The following RPS6KA2 variants were observed in gnomAD, a reference collection of about 807,000 sequenced individuals.
RPS6KA2 encodes ribosomal protein S6 kinase alpha-2.
A neutral mutation model predicts 91.8 loss-of-function variants in RPS6KA2; 42 were observed. That is an observed-to-expected ratio of 0.46 (90% confidence interval 0.36 to 0.59). The LOEUF is 0.59. RPS6KA2 is among the 20% of genes least tolerant of loss of function. The pLI, the probability that RPS6KA2 is intolerant of heterozygous loss-of-function variation, is 0.00. For synonymous variants in RPS6KA2, 414 were observed against 393.6 expected (o/e 1.05, Z -0.61); for missense variants, 798 against 978.5 (o/e 0.82, Z 2.46).
At chr6:166,478,876 G>A (rs190652613) in intron 10 of RPS6KA2, among the ~76,000 whole-genome samples, 121 of 152,316 alleles carry the variant, frequency 7.9e-4, no homozygotes, top group African/African-American at 2.9e-3. Flanking sequence ...CACGATGTCG[G>A]TGCTGGTATT....
At chr6:166,529,024 G>C (rs1045912202) in intron 3 of RPS6KA2, among the ~76,000 whole-genome samples, 32 of 152,160 alleles carry the variant, frequency 2.1e-4, no homozygotes, top group African/African-American at 7.2e-4. Flanking sequence ...GATTCCTCAA[G>C]GATCTAGAAC....
chr6:166,524,732 G>A (rs1782966958), intron 3 of RPS6KA2, among the ~76,000 whole-genome samples: 2 of 152,212 alleles, frequency 1.3e-5, no homozygotes, highest in Admixed American at 6.5e-5. Flanking sequence ...ACAAGGGAGA[G>A]CCTCACGTCG....
At chr6:166,457,054 G>A (rs1422262227) in intron 12 of RPS6KA2, among the ~76,000 whole-genome samples, 1 of 152,208 alleles carries the variant, frequency 6.6e-6, no homozygotes, top group East Asian at 1.9e-4. Context: ...AGAGTTGACT[G>A]TATTAACATT....
In RPS6KA2 at chr6:166,751,267, G is replaced by A. The variant is rs539322273; in HGVS notation, c.123+106933C>T. Among the ~76,000 whole-genome samples the A allele has an allele frequency of 3.9e-5, 6 of 152,306 alleles. No homozygotes were observed. In the South Asian group the frequency reaches 8.3e-4, roughly 21 times the overall value. On this transcript the variant is annotated intron_variant, in intron 2 of 21. Coordinates refer to the RPS6KA2 transcript ENST00000503859. ...TTCCCAAGGTGGAGGCAAGACCAGC[G>A]CCCTCTGGCCAGGTGCGTTCAGGAA...
intron 2 of RPS6KA2, among the ~76,000 whole-genome samples, chr6:166,853,418 G>T (rs558723165): frequency 4.0e-4 from 61 of 152,358 alleles, no homozygotes; most frequent in African/African-American, 1.4e-3. Flanking sequence ...AGAGACCCGG[G>T]AGCCTGGGGC....
chr6:166,503,656 T>A (rs943169985), intron 6 of RPS6KA2, among the ~76,000 whole-genome samples: 12 of 152,148 alleles, frequency 7.9e-5, no homozygotes, highest in African/African-American at 2.7e-4. Context: ...AGTGATCACC[T>A]CAGGGATACT....
chr6:166,782,112 GAA>G (rs887310672), intron 2 of RPS6KA2, among the ~76,000 whole-genome samples: 1 of 152,190 alleles, frequency 6.6e-6, no homozygotes, highest in Non-Finnish European at 1.5e-5. Context: ...CTAACATGGT[GAA>G]ACCCTGTTTC....
At position 166,825,185 on chromosome 6, in the gene RPS6KA2, GCT is replaced by G. The variant is rs1583157906; in HGVS notation, c.123+33013_123+33014del. Among the ~76,000 whole-genome samples the G allele has an allele frequency of 6.6e-6, 1 of 152,260 alleles. No individual in the cohort carries two copies. The highest frequency in any genetic ancestry group is 1.5e-5 in the Non-Finnish European group (1 of 68,040). On this transcript the variant is annotated intron_variant, in intron 2 of 21. Coordinates refer to the RPS6KA2 transcript ENST00000503859. The surrounding 1 kb of genome is among the most constrained non-coding windows in gnomAD (Gnocchi z 4.1). ...CAGAGCGGGCTCCCCACAAATGGGG[GCT>G]CTGAGTTGAGGGGTGCTGGATGCTG... is the stretch of plus-strand genomic sequence containing the variant.
At chr6:166,654,875 C>T (rs1470139846) in intron 2 of RPS6KA2, among the ~76,000 whole-genome samples, 1 of 152,184 alleles carries the variant, frequency 6.6e-6, no homozygotes. Flanking sequence ...TGAAGATAAC[C>T]TTTCCCATCG....
In RPS6KA2 at chr6:166,825,084, G is replaced by A. The variant is rs1189963036; in HGVS notation, c.123+33116C>T. Reference sequence around the variant, plus strand: ...GTGCTGCAGAGCGCTGTTCTTCCACGAGGGAATAGCAGGGCCTCTAAAAAC... The same window carrying A: ...GTGCTGCAGAGCGCTGTTCTTCCACAAGGGAATAGCAGGGCCTCTAAAAAC... On this transcript the variant is annotated intron_variant, in intron 2 of 21. Transcript: ENST00000503859. This position sits in a 1 kb window ranked among gnomAD's most constrained non-coding sequence, Gnocchi z 4.1. Among the ~76,000 whole-genome samples the A allele has an allele frequency of 1.3e-5, 2 of 152,226 alleles. No homozygotes were observed. Among genetic ancestry groups the A allele is most frequent in the Non-Finnish European group, 2.9e-5 (2 of 68,042 alleles).
chr6:166,464,274 C>T (rs1245393911), intron 11 of RPS6KA2, among the ~76,000 whole-genome samples: 1 of 152,200 alleles, frequency 6.6e-6, no homozygotes, highest in Admixed American at 6.5e-5. Flanking sequence ...GCCAGATCAC[C>T]GAGCGACCTC....
intron 1 of RPS6KA2, among the ~76,000 whole-genome samples, chr6:166,567,576 A>G (rs552760760): frequency 1.1e-3 from 164 of 152,316 alleles, no homozygotes; most frequent in South Asian, 1.9e-3. Flanking sequence ...TCTAAGAAAA[A>G]TGTTTGCCCA....
chr6:166,682,339 C>T (rs911193634), intron 2 of RPS6KA2, among the ~76,000 whole-genome samples: 2 of 152,180 alleles, frequency 1.3e-5, no homozygotes, highest in Admixed American at 6.5e-5. Context: ...GTCACTGCTC[C>T]GTGTCTGGCT....
chr6:166,756,794 C>A lies in RPS6KA2; in HGVS notation c.123+101406G>T, dbSNP rs142659058. Among the ~76,000 whole-genome samples the A allele has an allele frequency of 4.4e-3, 663 of 152,156 alleles. 12 individuals are homozygous for A. Among genetic ancestry groups the A allele is most frequent in the African/African-American group, 0.015 (627 of 41,496 alleles). The stretch of plus-strand genomic sequence containing the variant: ...CCGGGAGGCGGAGGTTGTGGTGAGC[C>A]GAGATGGCGCCATTGCACTCCAGCC... On this transcript the variant is annotated intron_variant, in intron 2 of 21. Transcript: ENST00000503859.
intron 1 of RPS6KA2, among the ~76,000 whole-genome samples, chr6:166,587,291 G>A (rs1441170135): frequency 6.6e-6 from 1 of 152,242 alleles, no homozygotes; most frequent in Non-Finnish European, 1.5e-5. Context: ...AGGGAGGCAA[G>A]AAAGATGAGA....
intron 2 of RPS6KA2, among the ~76,000 whole-genome samples, chr6:166,667,951 C>T (rs2128559863): frequency 6.6e-6 from 1 of 152,292 alleles, no homozygotes; most frequent in African/African-American, 2.4e-5. Flanking sequence ...AAAGTAAAGA[C>T]ACAGATGCCA....
At chr6:166,756,714 C>T (rs561852688) in intron 2 of RPS6KA2, among the ~76,000 whole-genome samples, 7 of 152,174 alleles carry the variant, frequency 4.6e-5, no homozygotes, top group African/African-American at 7.2e-5. Context: ...GGCATGGTGG[C>T]GCATGCCTGT....
rs577955665 is a variant in RPS6KA2 at position 166,500,101 on chromosome 6, G to T, written c.604+786C>A. 5.8e-4 allele frequency among the ~76,000 whole-genome samples: 89 copies of T among 152,352 alleles called. No individual in the cohort carries two copies. Among genetic ancestry groups the T allele is most frequent in the African/African-American group, 2.0e-3 (84 of 41,584 alleles). ...GGGGGACGCAGCCCAGCCAAGGACTGCGGGCAGCTTCTACTAGCTGGAAGA... is the reference window on the plus strand; with the variant it reads ...GGGGGACGCAGCCCAGCCAAGGACTTCGGGCAGCTTCTACTAGCTGGAAGA... On this transcript the variant is annotated intron_variant, in intron 7 of 20. Transcript: ENST00000265678. This position sits in a 1 kb window ranked among gnomAD's most constrained non-coding sequence, Gnocchi z 4.3.
At chr6:166,745,806 A>G (rs1392724860) in intron 2 of RPS6KA2, among the ~76,000 whole-genome samples, 5 of 152,206 alleles carry the variant, frequency 3.3e-5, no homozygotes, top group African/African-American at 1.2e-4. Flanking sequence ...ACAACTCCCT[A>G]GTGTGTCATG....
Sources: gnomAD v4.1 joint callset for allele counts (sites outside exome capture counted in the v4.1 genomes callset) on GRCh38, gnomAD v4.1.1 for gene constraint, Gnocchi (gnomAD v3.1) non-coding constraint, MANE v1.5 for transcripts, NCBI Gene and HGNC (gene_info 2026-07-23, HGNC 2026-07-21) for gene names.